WWOX: variants seen among roughly 807,000 people sequenced by gnomAD.
WWOX encodes the protein WW domain-containing oxidoreductase.
In WWOX, 69 loss-of-function variants were observed where a neutral mutation model predicts 46.2. That is an observed-to-expected ratio of 1.49 (90% confidence interval 1.23 to 1.82). The LOEUF (loss-of-function observed/expected upper bound fraction) is 1.82, where lower values mean the gene tolerates loss of function less well. Ranked by LOEUF, WWOX falls within the 40% of genes most tolerant of loss-of-function variation. The probability of loss-of-function intolerance (pLI) is 0.00; values close to 1 mark genes in which losing one functional copy is unlikely to be tolerated. For missense variants in WWOX, 919 were observed against 542.6 expected, an observed-to-expected ratio of 1.69 and a Z score of -6.89; for synonymous variants, 359 against 202.6, an observed-to-expected ratio of 1.77 and a Z score of -6.56.
intron 8 of WWOX, among the ~76,000 whole-genome samples, chr16:78,838,065 G>C (rs993303862): frequency 6.6e-6 from 1 of 152,146 alleles, no homozygotes; most frequent in Non-Finnish European, 1.5e-5. Context: ...AACCCATCTT[G>C]GCTGTGTGCC....
At chr16:78,980,222 C>A (rs1410952107) in intron 8 of WWOX, among the ~76,000 whole-genome samples, 1 of 152,204 alleles carries the variant, frequency 6.6e-6, no homozygotes, top group African/African-American at 2.4e-5. Flanking sequence ...TTATAAGCAT[C>A]TAGTTTTTAA....
At chr16:78,239,507 G>T (rs889317625) in intron 5 of WWOX, among the ~76,000 whole-genome samples, 1 of 152,098 alleles carries the variant, frequency 6.6e-6, no homozygotes, top group Non-Finnish European at 1.5e-5. Context: ...CTCTGTTCTT[G>T]CTTAGGCATT....
At chr16:78,230,914 C>T (rs2037242104) in intron 5 of WWOX, among the ~76,000 whole-genome samples, 1 of 152,206 alleles carries the variant, frequency 6.6e-6, no homozygotes, top group Non-Finnish European at 1.5e-5. Context: ...AGAGGAGGTT[C>T]AGTATTCTTA....
intron 8 of WWOX, among the ~76,000 whole-genome samples, chr16:78,889,976 G>T (rs985052397): frequency 6.6e-6 from 1 of 152,148 alleles, no homozygotes; most frequent in African/African-American, 2.4e-5. Flanking sequence ...TTCAGAAAAT[G>T]AATCTCTGTT....
At chr16:78,829,082 TGGAAGATGGATG>T (rs2151155101) in intron 8 of WWOX, among the ~76,000 whole-genome samples, 1 of 136,482 alleles carries the variant, frequency 7.3e-6, no homozygotes, top group South Asian at 2.5e-4. Context: ...AGGGTCCATC[TGGAAGATGGATG>T]GATGGATGGA....
Position 78,346,440 on chromosome 16 carries a change from G to A in WWOX, c.517-40420G>A, listed in dbSNP as rs538116161. On this transcript the variant is annotated intron_variant, in intron 5 of 8. Transcript: ENST00000566780. ...TGGAGTGGAATGGGCAGGGTGGTCC[G>A]TATAGGGCTATGTATAACTTTTTAA... Among the ~76,000 whole-genome samples the A allele has an allele frequency of 1.1e-4, 13 of 119,378 alleles. 1 individual carries two copies. In the East Asian group the frequency reaches 1.6e-3, roughly 14 times the overall value. The allele number at this position is 119,378 out of a possible 152,430, so 78.3% of individuals were successfully genotyped here.
intron 5 of WWOX, among the ~76,000 whole-genome samples, chr16:78,290,633 T>C (rs1250884436): frequency 2.0e-5 from 3 of 152,148 alleles, no homozygotes; most frequent in African/African-American, 7.2e-5. Flanking sequence ...TAATGTAACT[T>C]GCCGTGTCGG....
At chr16:78,235,718 G>A (rs564157270) in intron 5 of WWOX, among the ~76,000 whole-genome samples, 14 of 152,248 alleles carry the variant, frequency 9.2e-5, no homozygotes, top group Admixed American at 4.6e-4. Flanking sequence ...AGGCCACCCT[G>A]TTTACAAGGC....
At chr16:79,087,125 A>G (rs1248423564) in intron 8 of WWOX, among the ~76,000 whole-genome samples, 1 of 152,208 alleles carries the variant, frequency 6.6e-6, no homozygotes, top group Non-Finnish European at 1.5e-5. Context: ...TTTAGAGGTA[A>G]GAAGCCAAGT....
At chr16:78,467,248 C>G (rs1205827654) in intron 8 of WWOX, among the ~76,000 whole-genome samples, 1 of 152,072 alleles carries the variant, frequency 6.6e-6, no homozygotes, top group African/African-American at 2.4e-5. Context: ...TTTTTCTGAT[C>G]ACCACCCATG....
At chr16:78,563,518 CTTTT>C (rs59076103) in intron 8 of WWOX, among the ~76,000 whole-genome samples, 8 of 133,070 alleles carry the variant, frequency 6.0e-5, no homozygotes, top group East Asian at 2.2e-4. Flanking sequence ...CACACACACG[CTTTT>C]TTTTTTTTTT....
At chr16:78,990,646 A>G (rs1451101677) in intron 8 of WWOX, among the ~76,000 whole-genome samples, 1 of 152,196 alleles carries the variant, frequency 6.6e-6, no homozygotes, top group African/African-American at 2.4e-5. Flanking sequence ...AGTAAAATGA[A>G]AGAAGAAAAA....
rs538284377 is a variant in WWOX at position 78,892,074 on chromosome 16, C to T, written c.1057-319534C>T. On this transcript the variant is annotated intron_variant, in intron 8 of 8. Transcript: ENST00000566780. ...CTGATAAAATGGGTTTTTTTCCTTG[C>T]TTAGTGAATGTCTTCTGTTTCTCGC... 3 of 152,164 alleles carry T rather than the reference C, an allele frequency of 2.0e-5. No individual in the cohort carries two copies. In the East Asian group the frequency reaches 5.8e-4, roughly 29 times the overall value. 9.4% of individuals were successfully genotyped at this position (152,164 alleles called of 1,614,324 possible).
chr16:79,207,113 G>T (rs1442060943), intron 8 of WWOX, among the ~76,000 whole-genome samples: 1 of 152,078 alleles, frequency 6.6e-6, no homozygotes, highest in Admixed American at 6.6e-5. Context: ...GCGTGTAGAC[G>T]GCCATCTATT....
At chr16:79,046,802 C>T (rs1452330930) in intron 8 of WWOX, among the ~76,000 whole-genome samples, 1 of 152,184 alleles carries the variant, frequency 6.6e-6, no homozygotes, top group Non-Finnish European at 1.5e-5. Context: ...CTTTGTCCCC[C>T]AGGCCTGCAC....
chr16:78,662,626 A>G (rs2047242789), intron 8 of WWOX, among the ~76,000 whole-genome samples: 1 of 152,190 alleles, frequency 6.6e-6, no homozygotes, highest in Non-Finnish European at 1.5e-5. Context: ...TATTTTTTAA[A>G]AAACATAAAA....
At chr16:78,721,526 C>G (rs2048689878) in intron 8 of WWOX, among the ~76,000 whole-genome samples, 1 of 152,166 alleles carries the variant, frequency 6.6e-6, no homozygotes, top group Non-Finnish European at 1.5e-5. Flanking sequence ...CTGGGGGAAC[C>G]AGAGTATTTG....
chr16:78,195,389 A>G (rs193250266), intron 5 of WWOX, among the ~76,000 whole-genome samples: 7 of 152,144 alleles, frequency 4.6e-5, no homozygotes, highest in Admixed American at 1.3e-4. Context: ...CTCACCTCCT[A>G]CTGGTTAGTG....
chr16:79,119,168 C>G (rs1191260598), intron 8 of WWOX, among the ~76,000 whole-genome samples: 1 of 149,798 alleles, frequency 6.7e-6, no homozygotes, highest in Non-Finnish European at 1.5e-5. Flanking sequence ...CCAGTTTCGT[C>G]TAACCAGTAT....
Sources: gnomAD v4.1 joint callset for allele counts (sites outside exome capture counted in the v4.1 genomes callset) on GRCh38, gnomAD v4.1.1 for gene constraint, MANE v1.5 for transcripts, NCBI Gene and HGNC (gene_info 2026-07-23, HGNC 2026-07-21) for gene names.